BEND5: variants seen among roughly 807,000 people sequenced by gnomAD.
The protein encoded by BEND5 is BEN domain-containing protein 5.
In BEND5, 22 loss-of-function variants were observed where a neutral mutation model predicts 43.9. That is an observed-to-expected ratio of 0.50 (90% confidence interval 0.36 to 0.72). The LOEUF (loss-of-function observed/expected upper bound fraction) is 0.72, where lower values mean the gene tolerates loss of function less well. Ranked by LOEUF, BEND5 falls within the 30% of genes least tolerant of loss-of-function variation. The pLI is 0.00. For missense variants in BEND5, 428 were observed against 550.6 expected (o/e 0.78, Z 2.23); for synonymous variants, 228 against 225.9 (o/e 1.01, Z -0.08).
chr1:48,761,295 A>T, intron 2 of BEND5, 42 bp downstream of exon 2: 1 of 1,518,076 alleles, frequency 6.6e-7, no homozygotes, highest in South Asian at 1.3e-5. Context: ...GATATCTGAA[A>T]ATGCTCCAGC....
Position 48,776,649 on chromosome 1 carries a change from C to G in BEND5, c.183G>C (p.Trp61Cys). The G allele has an allele frequency of 6.7e-7, 1 of 1,490,972 alleles. No homozygotes were observed. The highest frequency in any genetic ancestry group is 8.9e-7 in the Non-Finnish European group (1 of 1,123,944). 92.4% of individuals were successfully genotyped at this position (1,490,972 alleles called of 1,614,324 possible). ...GGGCCTTGTGGAGCAACAGCGCGCC[C>G]CAGTCGCGGGGGGCGCGCGGGGGGC... Reference protein sequence around the residue: ...PESPPRAPRDWGALLLHKAQI... With the variant: ...PESPPRAPRDCGALLLHKAQI... Residue 61 changes from tryptophan (W) to cysteine (C), a missense_variant, in exon 1 of 6, where the codon TGG becomes TGC. Coordinates refer to ENST00000371833, the MANE Select transcript of BEND5 (RefSeq NM_024603.4).
At chr1:48,766,301 A>G (rs894132625) in intron 1 of BEND5, among the ~76,000 whole-genome samples, 1 of 152,220 alleles carries the variant, frequency 6.6e-6, no homozygotes, top group African/African-American at 2.4e-5. Flanking sequence ...CAGAGCCAAG[A>G]TGTGCTATAG....
intron 3 of BEND5, among the ~76,000 whole-genome samples, chr1:48,752,122 G>A (rs916794513): frequency 6.6e-6 from 1 of 152,142 alleles, no homozygotes; most frequent in Non-Finnish European, 1.5e-5. Flanking sequence ...GGGCCTCTTA[G>A]GCCTTACCTC....
chr1:48,742,040 A>G (rs976598862), intron 4 of BEND5, among the ~76,000 whole-genome samples: 5 of 152,246 alleles, frequency 3.3e-5, no homozygotes, highest in Non-Finnish European at 7.3e-5. Context: ...TCAAGGTCAT[A>G]TAAATAACGC....
At chr1:48,738,099 G>A (rs1649347208) in intron 4 of BEND5, among the ~76,000 whole-genome samples, 1 of 152,178 alleles carries the variant, frequency 6.6e-6, no homozygotes, top group South Asian at 2.1e-4. Context: ...ACTGGAGCTT[G>A]GCTTGGGAAG....
At chr1:48,761,146 G>A in intron 2 of BEND5, 191 bp downstream of exon 2, 1 of 588,358 alleles carries the variant, frequency 1.7e-6, no homozygotes, top group South Asian at 2.1e-5. Flanking sequence ...ATGAATCAGG[G>A]CTCTCTAGAA....
rs184218218 is a variant in BEND5 at position 48,766,590 on chromosome 1, G to A, written c.227-5120C>T. On this transcript the variant is annotated intron_variant, in intron 1 of 5. Transcript: ENST00000371833. ...GAATGGGTTCTTTGAAAAGGTGGCT[G>A]AATAGTCCAGGAAGCTCTGAGGTGT... Among the ~76,000 whole-genome samples, 5 of 152,328 alleles carry A rather than the reference G, an allele frequency of 3.3e-5. No individual in the cohort carries two copies. The East Asian group carries it at 5.8e-4, about 18-fold the overall frequency.
At chr1:48,744,464 C>T (rs933886653) in intron 3 of BEND5, among the ~76,000 whole-genome samples, 3 of 152,042 alleles carry the variant, frequency 2.0e-5, no homozygotes, top group Non-Finnish European at 4.4e-5. Flanking sequence ...GCTGAGTTGG[C>T]GTGTGAAGTC....
At chr1:48,740,943 G>A (rs1321356624) in intron 4 of BEND5, among the ~76,000 whole-genome samples, 1 of 152,108 alleles carries the variant, frequency 6.6e-6, no homozygotes, top group Admixed American at 6.6e-5. Context: ...GCAACATGCT[G>A]GCAAAAACCA....
chr1:48,758,590 G>A (rs539565955), intron 3 of BEND5, among the ~76,000 whole-genome samples: 5 of 152,248 alleles, frequency 3.3e-5, no homozygotes, highest in East Asian at 1.9e-4. Context: ...GGTTCCCTAC[G>A]ATCCCTGTTA....
intron 5 of BEND5, among the ~76,000 whole-genome samples, chr1:48,730,406 A>C (rs1385939597): frequency 3.3e-5 from 5 of 152,252 alleles, no homozygotes; most frequent in African/African-American, 1.2e-4. Flanking sequence ...TATCTACGAA[A>C]GTAGCATTTC....
At chr1:48,754,622 T>C (rs1159093936) in intron 3 of BEND5, among the ~76,000 whole-genome samples, 1 of 152,078 alleles carries the variant, frequency 6.6e-6, no homozygotes, top group Non-Finnish European at 1.5e-5. Flanking sequence ...ACTTACAATA[T>C]GGGGGTCACG....
chr1:48,775,621 T>A (rs370080790), intron 1 of BEND5, among the ~76,000 whole-genome samples: 1 of 152,290 alleles, frequency 6.6e-6, no homozygotes, highest in East Asian at 1.9e-4. Flanking sequence ...TTGTCTAGAC[T>A]CAAACTTTCT....
chr1:48,767,108 A>G (rs563977555), intron 1 of BEND5, among the ~76,000 whole-genome samples: 6 of 152,308 alleles, frequency 3.9e-5, no homozygotes, highest in Non-Finnish European at 5.9e-5. Context: ...TGGTTGGGAG[A>G]GGGTGGCCCA....
chr1:48,748,866 G>C (rs1490958801), intron 3 of BEND5, among the ~76,000 whole-genome samples: 1 of 152,124 alleles, frequency 6.6e-6, no homozygotes, highest in Non-Finnish European at 1.5e-5. Flanking sequence ...TTTTCTGTGA[G>C]TGAGGGCAGG....
intron 3 of BEND5, among the ~76,000 whole-genome samples, chr1:48,757,890 G>A (rs1433938236): frequency 1.3e-5 from 2 of 152,236 alleles, no homozygotes; most frequent in African/African-American, 4.8e-5. Context: ...TGTCTTCAGG[G>A]GCTATGGAGG....
intron 1 of BEND5, among the ~76,000 whole-genome samples, chr1:48,774,150 GATTAATTAATCA>G (rs981069118): frequency 2.0e-5 from 3 of 152,228 alleles, no homozygotes; most frequent in Non-Finnish European, 4.4e-5. Context: ...GTGTCAGAGA[GATTAATTAATCA>G]ATTAATAGCT....
chr1:48,765,589 T>C (rs7553454), intron 1 of BEND5, among the ~76,000 whole-genome samples: 28,723 of 152,022 alleles, frequency 0.19, 3,231 homozygotes, highest in East Asian at 0.39. Flanking sequence ...AATGAAAACA[T>C]ATACCCAAAC....
chr1:48,769,572 A>ACAC (rs1553230018), intron 1 of BEND5, among the ~76,000 whole-genome samples: 6 of 62,734 alleles, frequency 9.6e-5, no homozygotes, highest in East Asian at 3.6e-4. Context: ...CACACACACA[A>ACAC]GTTAAATTTT....
Sources: gnomAD v4.1 joint callset for allele counts (sites outside exome capture counted in the v4.1 genomes callset) on GRCh38, gnomAD v4.1.1 for gene constraint, MANE v1.5 for transcripts, NCBI Gene and HGNC (gene_info 2026-07-23, HGNC 2026-07-21) for gene names.